The following SGCD variants were observed in gnomAD, a reference collection of about 807,000 sequenced individuals.
SGCD encodes the protein sarcoglycan delta.
Under a neutral mutation model 36.6 loss-of-function variants are expected in SGCD, and 18 were observed. The ratio of observed to expected loss-of-function variants is 0.49; its 90% confidence interval spans 0.34 to 0.73. The LOEUF is 0.73. Ranked by LOEUF, SGCD falls within the 30% of genes least tolerant of loss-of-function variation. SGCD has a pLI of 0.01. For missense variants in SGCD, 387 were observed against 346.7 expected, an observed-to-expected ratio of 1.12 and a Z score of -0.92; for synonymous variants, 133 against 130.6, an observed-to-expected ratio of 1.02 and a Z score of -0.12.
chr5:156,394,974 G>C (rs542884830), intron 3 of SGCD, among the ~76,000 whole-genome samples: 2 of 152,178 alleles, frequency 1.3e-5, no homozygotes, highest in Admixed American at 1.3e-4. Context: ...GGCTTTATCC[G>C]TGTATTGAAA....
At chr5:155,738,130 G>A in the SGCD span, among the ~76,000 whole-genome samples, 23 of 152,096 alleles carry the variant, frequency 1.5e-4, no homozygotes, top group African/African-American at 5.1e-4. Flanking sequence ...ATTAACATAA[G>A]GACTGAATGT....
At chr5:156,301,089 ATAT>A (rs1767041292) in intron 3 of SGCD, among the ~76,000 whole-genome samples, 1 of 151,906 alleles carries the variant, frequency 6.6e-6, no homozygotes, top group African/African-American at 2.4e-5. Context: ...TTTATATTCA[ATAT>A]TATTATTGAT....
chr5:155,863,462 A>T, the SGCD span, among the ~76,000 whole-genome samples: 1 of 151,786 alleles, frequency 6.6e-6, no homozygotes, highest in African/African-American at 2.4e-5. Context: ...TTATTTCCTT[A>T]CCTTCAGGTT....
In SGCD at chr5:156,265,032, G is replaced by A. The variant is rs145513806; in HGVS notation, c.-43-64502G>A. Among the ~76,000 whole-genome samples, 9 of 151,928 alleles carry A rather than the reference G, an allele frequency of 5.9e-5. No individual in the cohort carries two copies. The East Asian group carries it at 1.4e-3, about 23-fold the overall frequency. On this transcript the variant is annotated intron_variant, in intron 3 of 9. Coordinates refer to the SGCD transcript ENST00000517913. Reference sequence around the variant, plus strand: ...GTGGGGAGAAGTGAGCAACCCAATAGTGATGATAACATAGCAGCAAAGGAG... The same window carrying A: ...GTGGGGAGAAGTGAGCAACCCAATAATGATGATAACATAGCAGCAAAGGAG...
At chr5:156,375,417 T>TA (rs56706247) in intron 3 of SGCD, among the ~76,000 whole-genome samples, 3,372 of 116,156 alleles carry the variant, frequency 0.029, 135 homozygotes, top group African/African-American at 0.11. Flanking sequence ...TTTTTTTTTT[T>TA]AAAGAGTACT....
intron 7 of SGCD, among the ~76,000 whole-genome samples, chr5:156,670,025 C>T (rs529500810): frequency 5.9e-5 from 9 of 152,062 alleles, no homozygotes; most frequent in Non-Finnish European, 8.8e-5. Context: ...ACGACCAGCC[C>T]GTTTTCACCT....
At chr5:155,840,694 C>A in the SGCD span, among the ~76,000 whole-genome samples, 1 of 151,104 alleles carries the variant, frequency 6.6e-6, no homozygotes, top group South Asian at 2.1e-4. Flanking sequence ...TCTCTGGCTT[C>A]TTTTATTGAA....
intron 3 of SGCD, among the ~76,000 whole-genome samples, chr5:156,481,819 A>C (rs1043313328): frequency 6.6e-6 from 1 of 152,216 alleles, no homozygotes; most frequent in Non-Finnish European, 1.5e-5. Flanking sequence ...GTCGGAACCC[A>C]GGGCCAAGGA....
chr5:156,359,451 C>T (rs1220627041), intron 3 of SGCD, among the ~76,000 whole-genome samples: 1 of 152,096 alleles, frequency 6.6e-6, no homozygotes, highest in Non-Finnish European at 1.5e-5. Flanking sequence ...GAAGATGAGT[C>T]CTATAATTAC....
chr5:156,672,216 T>A (rs1332379365), intron 7 of SGCD, among the ~76,000 whole-genome samples: 1 of 152,210 alleles, frequency 6.6e-6, no homozygotes, highest in Non-Finnish European at 1.5e-5. Context: ...TTGTTCATAT[T>A]GGAGTGTTGG....
At chr5:156,555,009 C>T (rs1758963192) in intron 4 of SGCD, among the ~76,000 whole-genome samples, 2 of 152,098 alleles carry the variant, frequency 1.3e-5, no homozygotes, top group Non-Finnish European at 2.9e-5. Flanking sequence ...CTTTCATGGA[C>T]TTATTGGCCA....
At chr5:156,302,742 TTGG>T (rs1421942726) in intron 3 of SGCD, among the ~76,000 whole-genome samples, 3 of 152,240 alleles carry the variant, frequency 2.0e-5, no homozygotes, top group African/African-American at 7.2e-5. Flanking sequence ...AGGTACCACC[TTGG>T]TGGTCTTGGG....
chr5:156,624,927 A>G (rs1255212961), intron 6 of SGCD, among the ~76,000 whole-genome samples: 1 of 152,258 alleles, frequency 6.6e-6, no homozygotes, highest in Non-Finnish European at 1.5e-5. Flanking sequence ...GCATGGTAGC[A>G]TTAGTTACAA....
At chr5:156,725,302 CAT>C (rs1014976373) in intron 7 of SGCD, among the ~76,000 whole-genome samples, 1 of 152,138 alleles carries the variant, frequency 6.6e-6, no homozygotes, top group African/African-American at 2.4e-5. Context: ...TGTAGAGAGC[CAT>C]TTCTGCAAGG....
intron 3 of SGCD, among the ~76,000 whole-genome samples, chr5:156,272,457 A>T (rs1489318502): frequency 6.6e-6 from 1 of 152,160 alleles, no homozygotes; most frequent in East Asian, 1.9e-4. Flanking sequence ...TATCTTTGCA[A>T]TTATGAATTG....
intron 7 of SGCD, among the ~76,000 whole-genome samples, chr5:156,723,591 GT>G (rs1755619351): frequency 6.6e-6 from 1 of 152,238 alleles, no homozygotes; most frequent in South Asian, 2.1e-4. Flanking sequence ...ACAAAAGCAT[GT>G]AATAGAAGGA....
At chr5:156,500,641 T>A (rs191450417) in intron 3 of SGCD, among the ~76,000 whole-genome samples, 260 of 152,240 alleles carry the variant, frequency 1.7e-3, no homozygotes, top group African/African-American at 6.1e-3. Context: ...TATCAAAATA[T>A]CAAAAATTGC....
chr5:156,758,557 T>C (rs1490011830), intron 8 of SGCD, among the ~76,000 whole-genome samples: 8 of 152,284 alleles, frequency 5.3e-5, no homozygotes, highest in Middle Eastern at 3.4e-3. Context: ...CATTCAGTTA[T>C]CACAACTGCC....
intron 4 of SGCD, among the ~76,000 whole-genome samples, chr5:156,578,984 G>T (rs964205237): frequency 3.9e-5 from 6 of 152,042 alleles, no homozygotes; most frequent in Admixed American, 2.0e-4. Flanking sequence ...CTCTTCTCTA[G>T]TTCTTTTCAT....
Sources: gnomAD v4.1 joint callset for allele counts (sites outside exome capture counted in the v4.1 genomes callset) on GRCh38, gnomAD v4.1.1 for gene constraint, MANE v1.5 for transcripts, NCBI Gene and HGNC (gene_info 2026-07-23, HGNC 2026-07-21) for gene names.